SPATS2L: variants seen among roughly 807,000 people sequenced by gnomAD.
SPATS2L encodes the protein SPATS2-like protein.
Under a neutral mutation model 59.6 loss-of-function variants are expected in SPATS2L, and 30 were observed. The observed-to-expected ratio is 0.50, with a 90% confidence interval of 0.38 to 0.68. The LOEUF is 0.68. Among genes scored for constraint, SPATS2L ranks in the 30% least tolerant of loss-of-function variants. SPATS2L has a pLI of 0.00. For missense variants in SPATS2L, 615 were observed against 700.0 expected (o/e 0.88, Z 1.37); for synonymous variants, 252 against 263.5 (o/e 0.96, Z 0.42).
At chr2:200,329,926 A>G (rs910755924) in intron 2 of SPATS2L, among the ~76,000 whole-genome samples, 1 of 152,142 alleles carries the variant, frequency 6.6e-6, no homozygotes, top group Non-Finnish European at 1.5e-5. Flanking sequence ...CTTCTTATTG[A>G]AGAATGTGCT....
At chr2:200,402,602 A>G (rs2082562105) in intron 3 of SPATS2L, among the ~76,000 whole-genome samples, 1 of 152,200 alleles carries the variant, frequency 6.6e-6, no homozygotes, top group Non-Finnish European at 1.5e-5. Context: ...CCTGTTATAG[A>G]TGCCAGAGCA....
At chr2:200,372,699 T>C (rs1169125751) in intron 2 of SPATS2L, among the ~76,000 whole-genome samples, 1 of 152,194 alleles carries the variant, frequency 6.6e-6, no homozygotes, top group Admixed American at 6.5e-5. Flanking sequence ...ACCAGACTAG[T>C]GGAATGAGGA....
chr2:200,435,587 A>G (rs1039277741), intron 6 of SPATS2L, among the ~76,000 whole-genome samples: 2 of 152,220 alleles, frequency 1.3e-5, no homozygotes, highest in African/African-American at 4.8e-5. Flanking sequence ...AGTATTTATT[A>G]TGTATCTACG....
At chr2:200,332,747 GA>G (rs35758472) in intron 2 of SPATS2L, among the ~76,000 whole-genome samples, 122 of 139,586 alleles carry the variant, frequency 8.7e-4, no homozygotes, top group African/African-American at 2.9e-3. Flanking sequence ...TTTTTTTTTT[GA>G]AAAAAAAAAA....
chr2:200,334,652 C>T (rs570031047), intron 2 of SPATS2L, among the ~76,000 whole-genome samples: 7 of 151,566 alleles, frequency 4.6e-5, no homozygotes, highest in African/African-American at 1.4e-4. Context: ...TTAGGTCTAA[C>T]ATTTAAGTCT....
intron 6 of SPATS2L, among the ~76,000 whole-genome samples, chr2:200,423,516 C>T (rs997858636): frequency 2.0e-5 from 3 of 152,100 alleles, no homozygotes; most frequent in Admixed American, 6.5e-5. Flanking sequence ...CTTGAACTCT[C>T]TGTAGTTTGC....
At chr2:200,425,581 A>G (rs2083521228) in intron 6 of SPATS2L, among the ~76,000 whole-genome samples, 1 of 152,150 alleles carries the variant, frequency 6.6e-6, no homozygotes, top group African/African-American at 2.4e-5. Context: ...CCACTTTACA[A>G]TATTGTGGTG....
rs1331696514 is a variant in SPATS2L, at chr2:200,306,722, G to C, written c.-273G>C. The C allele has an allele frequency of 3.1e-6, 3 of 974,926 alleles. No homozygotes were observed. The highest frequency in any genetic ancestry group is 3.5e-5 in the African/African-American group (2 of 56,344). 60.4% of individuals were successfully genotyped at this position (974,926 alleles called of 1,614,324 possible). A position where few individuals can be genotyped will look rare whatever the true frequency, so the allele number is the denominator to read the frequency against. On this transcript the variant is annotated 5_prime_UTR_variant, in exon 1 of 13. Coordinates refer to ENST00000409140, the MANE Select transcript of SPATS2L (RefSeq NM_001100423.2). ...GTGTCAGTGAAGGAATCCAGTCCGG[G>C]GGCCGAGCTGGCTGCGCCCTCCGCT...
At chr2:200,365,070 A>G (rs2081226513) in intron 2 of SPATS2L, among the ~76,000 whole-genome samples, 1 of 152,200 alleles carries the variant, frequency 6.6e-6, no homozygotes, top group Non-Finnish European at 1.5e-5. Flanking sequence ...GAATAAAGTG[A>G]AAGCCACAGG....
intron 11 of SPATS2L, among the ~76,000 whole-genome samples, chr2:200,472,342 G>C (rs922059118): frequency 1.2e-4 from 19 of 152,182 alleles, no homozygotes; most frequent in Non-Finnish European, 2.5e-4. Flanking sequence ...CAAGCTCTCA[G>C]AACATCGTGG....
chr2:200,446,530 T>A (rs1380489665), intron 8 of SPATS2L, among the ~76,000 whole-genome samples: 1 of 152,102 alleles, frequency 6.6e-6, no homozygotes, highest in African/African-American at 2.4e-5. Flanking sequence ...TGGCATCCGT[T>A]AGGTAGAGGC....
chr2:200,335,867 A>G (rs1047980551), intron 2 of SPATS2L, among the ~76,000 whole-genome samples: 1 of 152,154 alleles, frequency 6.6e-6, no homozygotes, highest in African/African-American at 2.4e-5. Flanking sequence ...TTGAGTCCAC[A>G]TATCTGGGTG....
At chr2:200,472,697 CT>C (rs2087150063) in intron 11 of SPATS2L, 134 bp from the exon 12 acceptor site, 4 of 746,962 alleles carry the variant, frequency 5.4e-6, no homozygotes, top group Non-Finnish European at 8.7e-6. Context: ...CAAATAACAT[CT>C]TTCAAAAGAA....
intron 2 of SPATS2L, among the ~76,000 whole-genome samples, chr2:200,367,308 T>C (rs994586953): frequency 6.6e-6 from 1 of 150,812 alleles, no homozygotes; most frequent in Non-Finnish European, 1.5e-5. Context: ...TTTGCAATCA[T>C]GATGATCTCT....
intron 1 of SPATS2L, among the ~76,000 whole-genome samples, chr2:200,322,903 G>A (rs548678144): frequency 1.3e-5 from 2 of 152,286 alleles, no homozygotes; most frequent in Admixed American, 1.3e-4. Flanking sequence ...AGTCAAGAAA[G>A]CTATCTTTGG....
At chr2:200,350,853 A>C (rs1053272265) in intron 2 of SPATS2L, among the ~76,000 whole-genome samples, 10 of 152,114 alleles carry the variant, frequency 6.6e-5, no homozygotes, top group African/African-American at 2.2e-4. Context: ...AATTTTAAGT[A>C]GACCTAAAAT....
intron 6 of SPATS2L, among the ~76,000 whole-genome samples, chr2:200,434,097 C>A: frequency 6.6e-6 from 1 of 151,714 alleles, no homozygotes; most frequent in East Asian, 1.9e-4. Context: ...ACTGCATGAC[C>A]AAGTGGGTGT....
intron 2 of SPATS2L, among the ~76,000 whole-genome samples, chr2:200,384,231 C>T (rs1248160087): frequency 6.6e-6 from 1 of 152,100 alleles, no homozygotes; most frequent in Non-Finnish European, 1.5e-5. Flanking sequence ...AATAGATTTT[C>T]TGGCTACTGT....
At chr2:200,379,247 T>C (rs921979354) in intron 2 of SPATS2L, among the ~76,000 whole-genome samples, 1 of 152,246 alleles carries the variant, frequency 6.6e-6, no homozygotes, top group Admixed American at 6.5e-5. Context: ...CTGAATAACT[T>C]TGTGACTTAG....
Sources: gnomAD v4.1 joint callset for allele counts (sites outside exome capture counted in the v4.1 genomes callset) on GRCh38, gnomAD v4.1.1 for gene constraint, MANE v1.5 for transcripts, NCBI Gene and HGNC (gene_info 2026-07-23, HGNC 2026-07-21) for gene names.